Variants in CFDP1 observed in about 807,000 individuals in gnomAD.
CFDP1 encodes chromatin remodeling protein CFDP1.
In CFDP1, 31 loss-of-function variants were observed where a neutral mutation model predicts 40.1. That is an observed-to-expected ratio of 0.77 (90% confidence interval 0.58 to 1.04). CFDP1 has a LOEUF of 1.04. CFDP1 is among the 50% of genes least tolerant of loss of function. The pLI is 0.00. For missense variants in CFDP1, 423 were observed against 343.4 expected (o/e 1.23, Z -1.83); for synonymous variants, 167 against 120.0 (o/e 1.39, Z -2.56).
At chr16:75,310,193 A>C (rs2151503084) in intron 5 of CFDP1, among the ~76,000 whole-genome samples, 1 of 152,366 alleles carries the variant, frequency 6.6e-6, no homozygotes, top group Non-Finnish European at 1.5e-5. Context: ...ATACTGTTCA[A>C]GGAGTGTGGA....
Position 75,407,909 on chromosome 16 carries a change from A to G in CFDP1, c.530+3916T>C, listed in dbSNP as rs192527889. ...GATCACCTCAGCCCAGAAGTTCGAG[A>G]CCAGCCTAGGCAAAATGGTGAAACC... On this transcript the variant is annotated intron_variant, in intron 4 of 6. Coordinates refer to ENST00000283882, the MANE Select transcript of CFDP1 (RefSeq NM_006324.3). Among the ~76,000 whole-genome samples, 109 of 152,200 alleles carry G rather than the reference A, an allele frequency of 7.2e-4. 1 individual carries two copies. Among genetic ancestry groups the G allele is most frequent in the African/African-American group, 2.6e-3 (109 of 41,532 alleles).
rs1404359078 is a variant in CFDP1 at position 75,308,493 on chromosome 16, T to TA, written c.651-3312dup. On this transcript the variant is annotated intron_variant, in intron 5 of 6. Coordinates refer to ENST00000283882, the MANE Select transcript of CFDP1 (RefSeq NM_006324.3). ...TAATCTTTATCTTTCTGTGGCTATT[T>TA]AAGTTCCTGTGTCTCCAAACCTCTC... Among the ~76,000 whole-genome samples the TA allele has an allele frequency of 6.6e-5, 10 of 152,338 alleles. No individual in the cohort carries two copies. In the East Asian group the frequency reaches 1.9e-3, roughly 29 times the overall value.
Position 75,366,154 on chromosome 16 carries a change from A to G in CFDP1, c.650+28936T>C, listed in dbSNP as rs552145353. 7.9e-5 allele frequency among the ~76,000 whole-genome samples: 12 copies of G among 152,348 alleles called. No individual in the cohort carries two copies. In the South Asian group the frequency reaches 2.5e-3, roughly 32 times the overall value. ...CAATGTCCATCAACTGATGAATGGG[A>G]TAAGTATAATGTGGTATAGCTATAA... is the stretch of plus-strand genomic sequence containing the variant. On this transcript the variant is annotated intron_variant, in intron 5 of 6. Coordinates refer to ENST00000283882, the MANE Select transcript of CFDP1 (RefSeq NM_006324.3).
At chr16:75,367,671 A>T (rs11642921) in intron 5 of CFDP1, among the ~76,000 whole-genome samples, 79,094 of 151,076 alleles carry the variant, frequency 0.52, 21,648 homozygotes, top group Admixed American at 0.64. Context: ...CAGGAGCCTG[A>T]AATCCCAGCT....
intron 6 of CFDP1, among the ~76,000 whole-genome samples, chr16:75,301,107 C>T (rs1018751525): frequency 5.3e-5 from 8 of 152,104 alleles, no homozygotes; most frequent in African/African-American, 1.7e-4. Flanking sequence ...GAAAGAAAAG[C>T]GAGCACAGGA....
intron 1 of CFDP1, among the ~76,000 whole-genome samples, chr16:75,432,919 T>C (rs1020082617): frequency 8.5e-5 from 13 of 152,146 alleles, no homozygotes; most frequent in African/African-American, 3.1e-4. Context: ...CCAGCAGCTC[T>C]CTCGGGCCAG....
Position 75,304,481 on chromosome 16 carries a change from C to A in CFDP1, c.809+543G>T, listed in dbSNP as rs548168193. ...TGAACATTCTCTTTGTATTCCACAGCGAAGAGAAAGAGGTGCAAGTGATGG... is the reference window on the plus strand; with the variant it reads ...TGAACATTCTCTTTGTATTCCACAGAGAAGAGAAAGAGGTGCAAGTGATGG... On this transcript the variant is annotated intron_variant, in intron 6 of 6. Transcript: ENST00000283882. 2.6e-5 allele frequency among the ~76,000 whole-genome samples: 4 copies of A among 152,216 alleles called. No homozygotes were observed. In the East Asian group the frequency reaches 7.7e-4, roughly 29 times the overall value.
At chr16:75,406,000 G>T (rs997523742) in intron 4 of CFDP1, among the ~76,000 whole-genome samples, 1 of 152,086 alleles carries the variant, frequency 6.6e-6, no homozygotes, top group Non-Finnish European at 1.5e-5. Context: ...CCAGCACTTT[G>T]GGAGGCCAAA....
chr16:75,328,767 T>C (rs1170971579), intron 5 of CFDP1, among the ~76,000 whole-genome samples: 1 of 151,074 alleles, frequency 6.6e-6, no homozygotes, highest in Non-Finnish European at 1.5e-5. Context: ...CAACCTCTGC[T>C]TCCTGGGTTC....
intron 5 of CFDP1, among the ~76,000 whole-genome samples, chr16:75,318,174 G>T (rs932755818): frequency 1.3e-5 from 2 of 151,986 alleles, no homozygotes; most frequent in Non-Finnish European, 1.5e-5. Context: ...CCCTTCTCAA[G>T]GAGAACTGTG....
intron 6 of CFDP1, 148 bp downstream of exon 6, chr16:75,304,874 CAG>C (rs1357164414): frequency 1.2e-6 from 1 of 845,240 alleles, no homozygotes; most frequent in Non-Finnish European, 1.9e-6. Flanking sequence ...CACACTGGAA[CAG>C]AGACTTACTG....
At chr16:75,421,100 T>C (rs1262370834) in intron 1 of CFDP1, among the ~76,000 whole-genome samples, 1 of 152,102 alleles carries the variant, frequency 6.6e-6, no homozygotes, top group Non-Finnish European at 1.5e-5. Context: ...CTAGGAGGCA[T>C]GCGCACTGGG....
At chr16:75,334,402 G>A (rs113885483) in intron 5 of CFDP1, among the ~76,000 whole-genome samples, 5 of 151,020 alleles carry the variant, frequency 3.3e-5, no homozygotes, top group East Asian at 1.9e-4. Flanking sequence ...CGGCCAGCCC[G>A]AAGTGCTCTA....
At chr16:75,306,849 AC>A (rs1186949405) in intron 5 of CFDP1, among the ~76,000 whole-genome samples, 1 of 151,116 alleles carries the variant, frequency 6.6e-6, no homozygotes, top group Non-Finnish European at 1.5e-5. Context: ...AGACAACTCA[AC>A]CCCTACAATG....
chr16:75,399,056 C>CAAAA (rs58692180), intron 4 of CFDP1, among the ~76,000 whole-genome samples: 5 of 98,038 alleles, frequency 5.1e-5, no homozygotes, highest in Non-Finnish European at 1.0e-4. Flanking sequence ...GACTCCGTCT[C>CAAAA]AAAAAAAAAA....
At chr16:75,394,819 T>C (rs1239991661) in intron 5 of CFDP1, 2 of 273,636 alleles carry the variant, frequency 7.3e-6, no homozygotes, top group Non-Finnish European at 1.4e-5. Flanking sequence ...CAAGCCACCA[T>C]GCCCAGCTAA....
At chr16:75,410,310 A>T (rs1168924929) in intron 4 of CFDP1, among the ~76,000 whole-genome samples, 1 of 152,074 alleles carries the variant, frequency 6.6e-6, no homozygotes, top group Non-Finnish European at 1.5e-5. Flanking sequence ...TAAATCACAA[A>T]TCTGCTATTT....
intron 5 of CFDP1, among the ~76,000 whole-genome samples, chr16:75,341,751 T>C (rs1013036038): frequency 1.3e-5 from 2 of 152,150 alleles, no homozygotes; most frequent in Admixed American, 6.5e-5. Flanking sequence ...TGTCCTGTTC[T>C]CTTTCTTCTT....
intron 1 of CFDP1, among the ~76,000 whole-genome samples, chr16:75,428,235 A>G (rs1462668017): frequency 2.0e-5 from 3 of 152,162 alleles, no homozygotes; most frequent in African/African-American, 7.2e-5. Context: ...GTACATTGAA[A>G]ACAGTAAATT....
Sources: gnomAD v4.1 joint callset for allele counts (sites outside exome capture counted in the v4.1 genomes callset) on GRCh38, gnomAD v4.1.1 for gene constraint, MANE v1.5 for transcripts, NCBI Gene and HGNC (gene_info 2026-07-23, HGNC 2026-07-21) for gene names.